The following NEGR1 variants were observed in gnomAD, a reference collection of about 807,000 sequenced individuals.
The protein encoded by NEGR1 is IgLON family member 4.
A neutral mutation model predicts 40.9 loss-of-function variants in NEGR1; 10 were observed. The ratio of observed to expected loss-of-function variants is 0.24; its 90% CI spans 0.15 to 0.42. The LOEUF is 0.42. NEGR1 is among the 10% of genes least tolerant of loss of function. NEGR1 has a pLI of 1.00. For missense variants in NEGR1, 352 were observed against 438.9 expected (o/e 0.80, Z 1.77); for synonymous variants, 185 against 166.8 (o/e 1.11, Z -0.84).
At chr1:71,440,001 T>C (rs948836653) in intron 6 of NEGR1, among the ~76,000 whole-genome samples, 2 of 152,180 alleles carry the variant, frequency 1.3e-5, no homozygotes, top group Non-Finnish European at 2.9e-5. Flanking sequence ...TGCATAATTT[T>C]ATTGTTTTAT....
chr1:71,709,335 C>T (rs1356853644), intron 3 of NEGR1, among the ~76,000 whole-genome samples: 1 of 152,128 alleles, frequency 6.6e-6, no homozygotes, highest in Non-Finnish European at 1.5e-5. Flanking sequence ...TTAATAATAG[C>T]CATTCTGACT....
chr1:71,430,357 T>A (rs1646457999), intron 6 of NEGR1, among the ~76,000 whole-genome samples: 1 of 152,204 alleles, frequency 6.6e-6, no homozygotes, highest in Admixed American at 6.5e-5. Flanking sequence ...ATCCTTCCTC[T>A]GCAATTCTCT....
At chr1:71,561,218 T>G (rs1306264931) in intron 6 of NEGR1, among the ~76,000 whole-genome samples, 3 of 151,724 alleles carry the variant, frequency 2.0e-5, no homozygotes, top group African/African-American at 4.8e-5. Context: ...ATAAACATGA[T>G]TAAAGCAAGC....
At chr1:71,741,158 T>G (rs1307868304) in intron 3 of NEGR1, among the ~76,000 whole-genome samples, 1 of 152,082 alleles carries the variant, frequency 6.6e-6, no homozygotes, top group Non-Finnish European at 1.5e-5. Context: ...ACACCCAGAG[T>G]CTGGGGTTGA....
chr1:72,093,027 G>A (rs1176117293), intron 1 of NEGR1, among the ~76,000 whole-genome samples: 1 of 151,990 alleles, frequency 6.6e-6, no homozygotes, highest in Non-Finnish European at 1.5e-5. Context: ...TACTACAAAA[G>A]TTCCTTAAAA....
intron 6 of NEGR1, among the ~76,000 whole-genome samples, chr1:71,474,141 C>A (rs925225709): frequency 6.6e-6 from 1 of 151,802 alleles, no homozygotes; most frequent in Non-Finnish European, 1.5e-5. Context: ...CACAGACTTG[C>A]ACTGAAAGAA....
At chr1:72,142,564 T>TAGATAGATAGAC (rs1379077750) in intron 1 of NEGR1, among the ~76,000 whole-genome samples, 5 of 150,408 alleles carry the variant, frequency 3.3e-5, no homozygotes, top group East Asian at 3.9e-4. Context: ...GATAGATAGA[T>TAGATAGATAGAC]AGACAGATAG....
intron 6 of NEGR1, among the ~76,000 whole-genome samples, chr1:71,545,382 G>A (rs1647859406): frequency 6.6e-6 from 1 of 151,640 alleles, no homozygotes; most frequent in Non-Finnish European, 1.5e-5. Context: ...GGCAAGAAAT[G>A]CTCTCCTGAA....
At chr1:71,593,645 C>G (rs992036367) in intron 5 of NEGR1, among the ~76,000 whole-genome samples, 1 of 152,190 alleles carries the variant, frequency 6.6e-6, no homozygotes, top group Non-Finnish European at 1.5e-5. Flanking sequence ...TACCCAAATT[C>G]AAACTAATTG....
intron 6 of NEGR1, among the ~76,000 whole-genome samples, chr1:71,482,432 C>T (rs1394914575): frequency 1.3e-5 from 2 of 151,622 alleles, no homozygotes; most frequent in African/African-American, 2.4e-5. Flanking sequence ...TATGTTTACC[C>T]GGCTCACAAA....
chr1:71,649,325 T>C (rs184110335), intron 4 of NEGR1, among the ~76,000 whole-genome samples: 12 of 152,216 alleles, frequency 7.9e-5, no homozygotes, highest in Admixed American at 2.6e-4. Context: ...GTATATCTGA[T>C]GACCCAGGAA....
chr1:71,463,968 G>C (rs1646729414), intron 6 of NEGR1, among the ~76,000 whole-genome samples: 1 of 152,132 alleles, frequency 6.6e-6, no homozygotes, highest in African/African-American at 2.4e-5. Context: ...GAGACAAATT[G>C]ATTTCTCAGA....
At chr1:71,690,947 T>C (rs1653257408) in intron 4 of NEGR1, among the ~76,000 whole-genome samples, 1 of 151,928 alleles carries the variant, frequency 6.6e-6, no homozygotes, top group African/African-American at 2.4e-5. Flanking sequence ...TTTTTCACTT[T>C]TAGGAAAAGG....
chr1:72,187,786 C>T (rs1652665352), intron 1 of NEGR1, among the ~76,000 whole-genome samples: 1 of 151,434 alleles, frequency 6.6e-6, no homozygotes, highest in Admixed American at 6.6e-5. Context: ...ACCACAACCC[C>T]GTTAGGTTAG....
intron 4 of NEGR1, among the ~76,000 whole-genome samples, chr1:71,622,261 G>A (rs1331894119): frequency 6.6e-6 from 1 of 151,846 alleles, no homozygotes; most frequent in Non-Finnish European, 1.5e-5. Flanking sequence ...AATTATAGCT[G>A]TATGTGATTG....
Position 71,407,476 on chromosome 1 carries a change from T to G in NEGR1, c.1035A>C (p.Ile345=), listed in dbSNP as rs765573692. 2.5e-6 allele frequency: 4 copies of G among 1,612,286 alleles called. No homozygotes were observed. The highest frequency in any genetic ancestry group is 3.4e-6 in the Non-Finnish European group (4 of 1,178,574). The change falls in exon 7 of 7, where the codon ATA becomes ATC. Residue 345 remains isoleucine (I), a synonymous_variant. Transcript: ENST00000357731. ...GTAGAATGGCATTCTTCAGGTAGAA[T>G]ATGCTGGTGAAAGAGGACAGTGTCA... The part of the protein sequence containing the change: ...LVLTLSSFTS[I]FYLKNAILQ
intron 4 of NEGR1, among the ~76,000 whole-genome samples, chr1:71,661,257 A>T (rs1652044973): frequency 6.6e-6 from 1 of 152,158 alleles, no homozygotes; most frequent in Non-Finnish European, 1.5e-5. Context: ...CTAGTTCTAA[A>T]TCCCTGAGGA....
At chr1:71,703,388 T>C (rs749641144) in intron 3 of NEGR1, 10 of 150,190 alleles carry the variant, frequency 6.7e-5, no homozygotes, top group Non-Finnish European at 1.0e-4. Flanking sequence ...CTTAACAACA[T>C]AATGTCCAAT....
chr1:71,464,773 T>C (rs1646734837), intron 6 of NEGR1, among the ~76,000 whole-genome samples: 1 of 152,142 alleles, frequency 6.6e-6, no homozygotes, highest in Non-Finnish European at 1.5e-5. Context: ...CCTGTGTATG[T>C]TCTTGACTAG....
Sources: allele counts gnomAD v4.1 joint callset (sites outside exome capture counted in the v4.1 genomes callset), GRCh38; gene constraint gnomAD v4.1.1; transcripts MANE v1.5; gene names NCBI Gene and HGNC (gene_info 2026-07-23, HGNC 2026-07-21).